Variants in PDE1C observed in about 807,000 individuals in gnomAD.
PDE1C encodes phosphodiesterase 1C.
Under a neutral mutation model 93.1 loss-of-function variants are expected in PDE1C, and 62 were observed. The ratio of observed to expected loss-of-function variants is 0.67; its 90% CI spans 0.54 to 0.82. PDE1C has a LOEUF of 0.82. Ranked by LOEUF, PDE1C falls within the 40% of genes least tolerant of loss-of-function variation. The pLI is 0.00. For synonymous variants in PDE1C, 325 were observed against 310.1 expected (o/e 1.05, Z -0.50); for missense variants, 742 against 884.6 (o/e 0.84, Z 2.04).
chr7:32,009,525 A>G (rs1786783503), intron 2 of PDE1C, among the ~76,000 whole-genome samples: 1 of 152,198 alleles, frequency 6.6e-6, no homozygotes, highest in African/African-American at 2.4e-5. Flanking sequence ...TCCTCAAGCC[A>G]AAAATTTACT....
intron 1 of PDE1C, among the ~76,000 whole-genome samples, chr7:32,067,334 C>T (rs1795519498): frequency 6.6e-6 from 1 of 152,104 alleles, no homozygotes; most frequent in Non-Finnish European, 1.5e-5. Context: ...CCAAAGCAAA[C>T]CAAAAACCCT....
intron 3 of PDE1C, among the ~76,000 whole-genome samples, chr7:32,156,849 C>T (rs1229064472): frequency 3.3e-5 from 5 of 152,162 alleles, no homozygotes; most frequent in Non-Finnish European, 7.3e-5. Context: ...AAGTGTCTCC[C>T]CAAAGGTGAT....
chr7:32,330,562 C>T (rs1783493076), intron 1 of PDE1C, among the ~76,000 whole-genome samples: 1 of 152,234 alleles, frequency 6.6e-6, no homozygotes, highest in Non-Finnish European at 1.5e-5. Context: ...AAACTGCAGT[C>T]TTATCTCTTC....
the PDE1C span, among the ~76,000 whole-genome samples, chr7:31,698,743 A>G: frequency 1.3e-5 from 2 of 152,262 alleles, no homozygotes; most frequent in Non-Finnish European, 2.9e-5. Flanking sequence ...TGCTGTGAAG[A>G]AAATAAATCT....
intron 2 of PDE1C, among the ~76,000 whole-genome samples, chr7:31,962,384 A>G (rs893202563): frequency 3.3e-5 from 5 of 152,240 alleles, no homozygotes; most frequent in African/African-American, 1.2e-4. Flanking sequence ...CCAGTTTGGT[A>G]TATGTCAGAC....
At chr7:32,419,612 T>C (rs961448852) in intron 1 of PDE1C, among the ~76,000 whole-genome samples, 2 of 152,180 alleles carry the variant, frequency 1.3e-5, no homozygotes, top group Non-Finnish European at 2.9e-5. Flanking sequence ...GTTCCCAACC[T>C]TCCTGGCAGT....
chr7:32,005,174 A>G (rs1013398615), intron 2 of PDE1C, among the ~76,000 whole-genome samples: 5 of 152,122 alleles, frequency 3.3e-5, no homozygotes, highest in African/African-American at 1.2e-4. Flanking sequence ...ACCCCTGGCC[A>G]TGAACTCTCA....
chr7:31,880,941 G>T, intron 2 of PDE1C, 81 bp from the exon 3 acceptor site: 1 of 876,956 alleles, frequency 1.1e-6, no homozygotes, highest in Non-Finnish European at 1.9e-6. Flanking sequence ...ACATTTTACA[G>T]TCATCGAATA....
At chr7:31,762,371 C>T (rs1050379017) in intron 17 of PDE1C, among the ~76,000 whole-genome samples, 4 of 152,200 alleles carry the variant, frequency 2.6e-5, no homozygotes, top group African/African-American at 9.6e-5. Context: ...GATGGAGTCT[C>T]GCTCTGTCAC....
chr7:32,416,630 T>C (rs1338813207), intron 1 of PDE1C, among the ~76,000 whole-genome samples: 1 of 152,042 alleles, frequency 6.6e-6, no homozygotes, highest in Non-Finnish European at 1.5e-5. Context: ...CAGTCCACAG[T>C]CTCTTCAAGG....
At position 32,165,674 on chromosome 7, in the gene PDE1C, C is replaced by T. The variant is rs139447711; in HGVS notation, c.308+4111G>A. Among the ~76,000 whole-genome samples the T allele has an allele frequency of 5.9e-5, 9 of 151,368 alleles. No individual in the cohort carries two copies. In the East Asian group the frequency reaches 1.7e-3, roughly 29 times the overall value. ...GGAAATGCCCCCAAAAGCCAGTTAC[C>T]TCCCATCAGATTCTTCCCTTGACAC... On this transcript the variant is annotated intron_variant, in intron 3 of 18. Coordinates refer to the PDE1C transcript ENST00000396193.
the PDE1C span, chr7:31,707,854 G>A: frequency 6.6e-6 from 1 of 152,328 alleles, no homozygotes; most frequent in South Asian, 2.1e-4. Flanking sequence ...GTGAATGTAT[G>A]AGCTGGGGGA....
intron 2 of PDE1C, among the ~76,000 whole-genome samples, chr7:32,039,720 C>T (rs1791572660): frequency 1.3e-5 from 2 of 152,150 alleles, no homozygotes; most frequent in Non-Finnish European, 2.9e-5. Context: ...TTGTGATTTG[C>T]TTTGTACCTA....
rs555031196 is a variant in PDE1C, at chr7:31,918,470, G to C, written c.129-37610C>G. ...CCAGAGCAAAGAGGGAGAAAGAGCT[G>C]CTTAGCTGTGCACGTTGAGGAGGTG... On this transcript the variant is annotated intron_variant, in intron 2 of 17. Transcript: ENST00000396191. Among the ~76,000 whole-genome samples the C allele has an allele frequency of 3.3e-5, 5 of 152,312 alleles. No individual in the cohort carries two copies. In the South Asian group the frequency reaches 1.0e-3, roughly 32 times the overall value.
At chr7:31,943,641 C>T (rs1181645799) in intron 2 of PDE1C, among the ~76,000 whole-genome samples, 3 of 152,142 alleles carry the variant, frequency 2.0e-5, no homozygotes, top group Admixed American at 6.5e-5. Context: ...TGAACAATGA[C>T]TAATTCTTCA....
rs182810982 is a variant in PDE1C, at chr7:32,318,383, G to A, written c.311-108844C>T. On this transcript the variant is annotated intron_variant, in intron 1 of 1. Transcript: ENST00000672256. ...CCAAACCGCTCAGCCCAAGCACCAG[G>A]AACCTCATTTTGGGAAAACACGGGC... is the stretch of plus-strand genomic sequence containing the variant. Among the ~76,000 whole-genome samples, 868 of 152,194 alleles carry A rather than the reference G, an allele frequency of 5.7e-3. 5 individuals carry two copies. The highest frequency in any genetic ancestry group is 7.5e-3 in the Admixed American group (114 of 15,294).
In PDE1C at chr7:32,090,179, TAA is replaced by T. The variant is rs1797388555; in HGVS notation, c.308+79604_308+79605del. Among the ~76,000 whole-genome samples the T allele has an allele frequency of 5.9e-5, 5 of 84,636 alleles. No individual in the cohort carries two copies. The South Asian group carries it at 2.1e-3, about 36-fold the overall frequency. 55.5% of individuals were successfully genotyped at this position (84,636 alleles called of 152,430 possible). ...GCCAGCAGCCTTACTGTTAATAACATAAATAAAAAAATAGTAAAATAACAACA... is the reference window on the plus strand; with the variant it reads ...GCCAGCAGCCTTACTGTTAATAACATATAAAAAAATAGTAAAATAACAACA... On this transcript the variant is annotated intron_variant, in intron 3 of 18. Transcript: ENST00000396193.
chr7:32,135,489 G>T (rs998538468), intron 3 of PDE1C, among the ~76,000 whole-genome samples: 1 of 152,060 alleles, frequency 6.6e-6, no homozygotes, highest in Non-Finnish European at 1.5e-5. Context: ...TTCCAAAGAA[G>T]ATATACAAAT....
intron 17 of PDE1C, among the ~76,000 whole-genome samples, chr7:31,761,781 C>T (rs1473414417): frequency 6.6e-6 from 1 of 152,200 alleles, no homozygotes; most frequent in Non-Finnish European, 1.5e-5. Context: ...GTCTTCATCT[C>T]TCCAATCCTC....
Sources: gnomAD v4.1 joint callset for allele counts (sites outside exome capture counted in the v4.1 genomes callset) on GRCh38, gnomAD v4.1.1 for gene constraint, MANE v1.5 for transcripts, NCBI Gene and HGNC (gene_info 2026-07-23, HGNC 2026-07-21) for gene names.